Variants in AK7 observed in about 807,000 individuals in gnomAD.
AK7 encodes ATP-AMP transphosphorylase 7.
In AK7, 78 loss-of-function variants were observed where a neutral mutation model predicts 96.6. The observed-to-expected ratio is 0.81, with a 90% CI of 0.67 to 0.97. The LOEUF (loss-of-function observed/expected upper bound fraction) is 0.97, where lower values mean the gene tolerates loss of function less well. AK7 is among the 50% of genes least tolerant of loss of function. The pLI, the probability that AK7 is intolerant of heterozygous loss-of-function variation, is 0.00. For missense variants in AK7, 855 were observed against 887.9 expected (o/e 0.96, Z 0.47); for synonymous variants, 302 against 317.2 (o/e 0.95, Z 0.51).
At chr14:96,393,954 C>T (rs1317510843) in intron 1 of AK7, among the ~76,000 whole-genome samples, 4 of 151,970 alleles carry the variant, frequency 2.6e-5, no homozygotes, top group Non-Finnish European at 5.9e-5. Flanking sequence ...ACTAAAAGTA[C>T]AAAAATTAAC....
In AK7 at chr14:96,408,209, A is replaced by G. The variant is rs149601985; in HGVS notation, c.404-638A>G. The stretch of plus-strand genomic sequence containing the variant: ...GGGTTGCCTTATGGGAACTCCTAAG[A>G]GGCCCTTACTTTCTGATGTGGGGCC... On this transcript the variant is annotated intron_variant, in intron 3 of 17. Coordinates refer to ENST00000267584, the MANE Select transcript of AK7 (RefSeq NM_152327.5). 2.3e-3 allele frequency among the ~76,000 whole-genome samples: 348 copies of G among 152,198 alleles called. 9 individuals are homozygous for G. The South Asian group carries it at 0.05, about 22-fold the overall frequency.
chr14:96,487,438 T>C (rs1306770132), intron 17 of AK7, among the ~76,000 whole-genome samples: 4 of 146,894 alleles, frequency 2.7e-5, no homozygotes, highest in Non-Finnish European at 4.5e-5. Context: ...GAATCTTTTT[T>C]TTTTTTTTTG....
intron 8 of AK7, among the ~76,000 whole-genome samples, chr14:96,448,630 TAAAAA>T (rs71103528): frequency 0.032 from 2,391 of 73,928 alleles, 17 homozygotes; most frequent in African/African-American, 0.06. Flanking sequence ...ACCCTATCTC[TAAAAA>T]AAAAAAAAAA....
chr14:96,450,647 G>C (rs1893543893), intron 9 of AK7, among the ~76,000 whole-genome samples: 1 of 151,350 alleles, frequency 6.6e-6, no homozygotes, highest in South Asian at 2.1e-4. Context: ...AGAATAAATT[G>C]CAAATAAATT....
At chr14:96,416,418 A>G (rs578083098) in intron 4 of AK7, among the ~76,000 whole-genome samples, 45 of 151,982 alleles carry the variant, frequency 3.0e-4, no homozygotes, top group Non-Finnish European at 6.2e-4. Context: ...ACAGAGTGCT[A>G]GAGTGTTACA....
At chr14:96,419,297 A>G (rs1204777597) in intron 4 of AK7, among the ~76,000 whole-genome samples, 1 of 152,208 alleles carries the variant, frequency 6.6e-6, no homozygotes, top group Non-Finnish European at 1.5e-5. Context: ...CCCATGTGGC[A>G]AAGAAAAAAA....
At chr14:96,450,994 TTGAC>T (rs2140111739) in intron 9 of AK7, among the ~76,000 whole-genome samples, 1 of 152,158 alleles carries the variant, frequency 6.6e-6, no homozygotes, top group African/African-American at 2.4e-5. Context: ...CAGGATGATC[TTGAC>T]CACCTGACCT....
chr14:96,394,555 T>C (rs1158223464), intron 1 of AK7, among the ~76,000 whole-genome samples: 1 of 152,126 alleles, frequency 6.6e-6, no homozygotes, highest in Non-Finnish European at 1.5e-5. Context: ...ATTACATAGA[T>C]TAGTGGAGCA....
intron 5 of AK7, among the ~76,000 whole-genome samples, chr14:96,429,311 A>G (rs1258435989): frequency 2.0e-5 from 3 of 151,980 alleles, no homozygotes; most frequent in Non-Finnish European, 2.9e-5. Flanking sequence ...GTTCTGTTCC[A>G]TTGGTCTATA....
At chr14:96,436,076 C>T (rs1892622222) in intron 5 of AK7, among the ~76,000 whole-genome samples, 1 of 152,130 alleles carries the variant, frequency 6.6e-6, no homozygotes, top group African/African-American at 2.4e-5. Flanking sequence ...ATCCCGCCAT[C>T]TTGCCCTGCC....
chr14:96,486,979 A>G lies in AK7; in HGVS notation c.2056A>G (p.Thr686Ala), dbSNP rs1185043095. The G allele has an allele frequency of 6.2e-7, 1 of 1,613,978 alleles. No individual in the cohort carries two copies. The highest frequency in any genetic ancestry group is 2.2e-5 in the East Asian group (1 of 44,874). ...QSIPLRNYLMTYVMPTLIQGL... is the reference protein window; with the variant it reads ...QSIPLRNYLMAYVMPTLIQGL... ...AATTCCCCTGAGAAACTATTTAATGACCTATGTGATGCCAACTCTTATTCA... is the reference window on the plus strand; with the variant it reads ...AATTCCCCTGAGAAACTATTTAATGGCCTATGTGATGCCAACTCTTATTCA... Residue 686 changes from threonine to alanine, a missense_variant, in exon 17 of 18, where the codon ACC becomes GCC. Physicochemically the swap from Thr to Ala is moderately conservative, Grantham distance 58. Coordinates refer to ENST00000267584, the MANE Select transcript of AK7 (RefSeq NM_152327.5).
Position 96,483,086 on chromosome 14 carries a change from C to T in AK7, c.1841C>T (p.Thr614Ile). Reference protein sequence around the residue: ...EIGEPRNYGLTDEEKAEEERK... With the variant: ...EIGEPRNYGLIDEEKAEEERK... ...GGGGAGCCTCGAAATTATGGTTTAA[C>T]AGACGAAGAAAAGGCAGAAGAGGAG... The change falls in exon 16 of 18, where the codon ACA (threonine) becomes ATA (isoleucine). Residue 614 changes from threonine to isoleucine, a missense_variant. Physicochemically the swap from Thr to Ile is moderately conservative, Grantham distance 89. Coordinates refer to ENST00000267584, the MANE Select transcript of AK7 (RefSeq NM_152327.5). 6.2e-7 allele frequency: 1 copy of T among 1,614,174 alleles called. No individual in the cohort carries two copies. Among genetic ancestry groups the T allele is most frequent in the South Asian group, 1.1e-5 (1 of 91,080 alleles).
At chr14:96,466,359 C>T (rs1015172018) in intron 12 of AK7, among the ~76,000 whole-genome samples, 9 of 152,104 alleles carry the variant, frequency 5.9e-5, no homozygotes, top group African/African-American at 2.2e-4. Flanking sequence ...GCCTCAGCCT[C>T]ATGAGTAGCT....
At chr14:96,420,454 C>A (rs2140038804) in intron 4 of AK7, among the ~76,000 whole-genome samples, 1 of 151,948 alleles carries the variant, frequency 6.6e-6, no homozygotes, top group African/African-American at 2.4e-5. Flanking sequence ...AGGATTGTGC[C>A]ACTGTACTCC....
chr14:96,413,023 C>T (rs536111438), intron 4 of AK7, among the ~76,000 whole-genome samples: 237 of 152,314 alleles, frequency 1.6e-3, no homozygotes, highest in Non-Finnish European at 2.5e-3. Context: ...TCTGAGCACC[C>T]CCAGTACACA....
At chr14:96,480,291 G>A (rs1261272374) in intron 15 of AK7, among the ~76,000 whole-genome samples, 1 of 152,052 alleles carries the variant, frequency 6.6e-6, no homozygotes, top group Non-Finnish European at 1.5e-5. Flanking sequence ...AATTAGCTGG[G>A]CGTGGTGGTG....
chr14:96,487,406 A>G (rs1314756407), intron 17 of AK7, among the ~76,000 whole-genome samples: 1 of 148,618 alleles, frequency 6.7e-6, no homozygotes, highest in East Asian at 2.0e-4. Context: ...AAAAAGAAAA[A>G]AAAAGAAAAA....
chr14:96,487,839 C>A, intron 17 of AK7: 1 of 202,738 alleles, frequency 4.9e-6, no homozygotes, highest in South Asian at 6.6e-5. Flanking sequence ...TTTTTTCCCT[C>A]ATTGGTCAAA....
At chr14:96,434,422 GTC>G (rs3077780) in intron 5 of AK7, among the ~76,000 whole-genome samples, 14,582 of 149,184 alleles carry the variant, frequency 0.098, 749 homozygotes, top group Middle Eastern at 0.12. Context: ...CTGTCTGTCT[GTC>G]TCTCTCTCTC....
Sources: gnomAD v4.1 joint callset for allele counts (sites outside exome capture counted in the v4.1 genomes callset) on GRCh38, gnomAD v4.1.1 for gene constraint, MANE v1.5 for transcripts, NCBI Gene and HGNC (gene_info 2026-07-23, HGNC 2026-07-21) for gene names.